ITGA1: variants seen among roughly 807,000 people sequenced by gnomAD.
ITGA1 encodes the protein integrin alpha-1.
In ITGA1, 85 loss-of-function variants were observed where a neutral mutation model predicts 145.9. The ratio of observed to expected loss-of-function variants is 0.58; its 90% CI spans 0.49 to 0.70. The LOEUF (loss-of-function observed/expected upper bound fraction) is 0.70, where lower values mean the gene tolerates loss of function less well. ITGA1 is among the 30% of genes least tolerant of loss of function. ITGA1 has a pLI of 0.00. For missense variants in ITGA1, 1,351 were observed against 1,418.7 expected, an observed-to-expected ratio of 0.95 and a Z score of 0.77; for synonymous variants, 520 against 495.3, an observed-to-expected ratio of 1.05 and a Z score of -0.66.
At chr5:52,914,216 G>A (rs926091182) in intron 14 of ITGA1, among the ~76,000 whole-genome samples, 1 of 152,174 alleles carries the variant, frequency 6.6e-6, no homozygotes, top group African/African-American at 2.4e-5. Context: ...TTTTTCCAAG[G>A]AATAGGTGAA....
intron 1 of ITGA1, among the ~76,000 whole-genome samples, chr5:52,809,502 CTTTTT>C (rs59067853): frequency 8.2e-6 from 1 of 122,436 alleles, no homozygotes; most frequent in Non-Finnish European, 1.7e-5. Flanking sequence ...CTCAACTTTA[CTTTTT>C]TTTTTTTTTT....
At chr5:52,946,538 C>G (rs1010102488) in intron 27 of ITGA1, among the ~76,000 whole-genome samples, 1 of 152,128 alleles carries the variant, frequency 6.6e-6, no homozygotes, top group Non-Finnish European at 1.5e-5. Context: ...AATCTTCCCT[C>G]TAGGTAAAGA....
Position 52,956,389 on chromosome 5 carries a change from A to G in ITGA1, c.*3938A>G, listed in dbSNP as rs1205217242. 1 of 152,130 alleles carries G rather than the reference A, an allele frequency of 6.6e-6. No homozygotes were observed. Among genetic ancestry groups the G allele is most frequent in the African/African-American group, 2.4e-5 (1 of 41,410 alleles). 9.4% of individuals were successfully genotyped at this position (152,130 alleles called of 1,614,324 possible). Reference sequence around the variant, plus strand: ...CAAAATAGCATCCTATGTACTTTTCATTTCTTCCAACAACCCTCAGGCCCC... The same window carrying G: ...CAAAATAGCATCCTATGTACTTTTCGTTTCTTCCAACAACCCTCAGGCCCC... On this transcript the variant is annotated 3_prime_UTR_variant, in exon 29 of 29. Coordinates refer to ENST00000282588, the MANE Select transcript of ITGA1 (RefSeq NM_181501.2).
intron 12 of ITGA1, 75 bp downstream of exon 12, chr5:52,905,983 A>T (rs1267612027): frequency 1.1e-5 from 15 of 1,364,304 alleles, no homozygotes; most frequent in African/African-American, 1.5e-5. Flanking sequence ...TATTGTCCTA[A>T]ACTTAAAAAT....
intron 7 of ITGA1, chr5:52,883,021 C>A (rs1021997163): frequency 2.0e-5 from 3 of 152,256 alleles, no homozygotes; most frequent in Non-Finnish European, 1.5e-5. Context: ...GCTTTTGCCT[C>A]ATGAATATTA....
intron 3 of ITGA1, among the ~76,000 whole-genome samples, 174 bp from the exon 4 acceptor site, chr5:52,864,589 C>T (rs1433606481): frequency 6.6e-6 from 1 of 152,194 alleles, no homozygotes; most frequent in Non-Finnish European, 1.5e-5. Context: ...GCCAACTCTT[C>T]AGCCTTAGCT....
At chr5:52,914,654 A>C (rs975941318) in intron 14 of ITGA1, among the ~76,000 whole-genome samples, 10 of 152,012 alleles carry the variant, frequency 6.6e-5, no homozygotes, top group Non-Finnish European at 1.5e-4. Flanking sequence ...TAAGGATGAA[A>C]AATGTTTCCA....
At chr5:52,809,782 C>T (rs11743864) in intron 1 of ITGA1, among the ~76,000 whole-genome samples, 5 of 151,830 alleles carry the variant, frequency 3.3e-5, no homozygotes, top group Non-Finnish European at 7.4e-5. Context: ...GGATTACAGG[C>T]GTGAGTCACT....
At position 52,954,327 on chromosome 5, in the gene ITGA1, T is replaced by C. The variant is rs921058407; in HGVS notation, c.*1876T>C. 6.6e-6 allele frequency: 1 copy of C among 152,186 alleles called. No individual in the cohort carries two copies. Among genetic ancestry groups the C allele is most frequent in the Non-Finnish European group, 1.5e-5 (1 of 68,052 alleles). 9.4% of individuals were successfully genotyped at this position (152,186 alleles called of 1,614,324 possible). On this transcript the variant is annotated 3_prime_UTR_variant, in exon 29 of 29. Coordinates refer to ENST00000282588, the MANE Select transcript of ITGA1 (RefSeq NM_181501.2). ...TTCTCTGATCTCAGCAAGATCTTAG[T>C]AGTAAAGCTAACGGATCCATTGAAA...
At chr5:52,886,217 C>A (rs1429943817) in intron 7 of ITGA1, among the ~76,000 whole-genome samples, 2 of 152,116 alleles carry the variant, frequency 1.3e-5, no homozygotes, top group Non-Finnish European at 2.9e-5. Context: ...CAGAGAGACT[C>A]AAAGAAAGTA....
chr5:52,900,758 A>G (rs1295974204), intron 11 of ITGA1, among the ~76,000 whole-genome samples: 1 of 152,092 alleles, frequency 6.6e-6, no homozygotes, highest in Non-Finnish European at 1.5e-5. Context: ...CAAAGCCTCA[A>G]TTTTCCTATT....
At chr5:52,874,480 T>C (rs1749834661) in intron 6 of ITGA1, among the ~76,000 whole-genome samples, 1 of 152,122 alleles carries the variant, frequency 6.6e-6, no homozygotes, top group African/African-American at 2.4e-5. Flanking sequence ...AACACTCTTA[T>C]CATTTAAGAT....
intron 1 of ITGA1, among the ~76,000 whole-genome samples, chr5:52,834,219 C>G (rs1749120246): frequency 6.6e-6 from 1 of 152,178 alleles, no homozygotes; most frequent in South Asian, 2.1e-4. Context: ...CAGTTGAAGC[C>G]TGTCTTAGTC....
In ITGA1 at chr5:52,836,549, A is replaced by G. The variant is rs866730721; in HGVS notation, c.62-12816A>G. Among the ~76,000 whole-genome samples the G allele has an allele frequency of 5.9e-5, 9 of 152,268 alleles. 2 individuals are homozygous for G. In the Middle Eastern group the frequency reaches 0.027, roughly 460 times the overall value. ...ATATGAATGCGAGATGACAGCTCCC[A>G]TAACAAATCACCCTTGGCCAGATTT... On this transcript the variant is annotated intron_variant, in intron 1 of 28. Transcript: ENST00000282588.
chr5:52,897,588 C>G, intron 10 of ITGA1, 60 bp downstream of exon 10: 2 of 1,270,314 alleles, frequency 1.6e-6, no homozygotes, highest in Non-Finnish European at 2.3e-6. Context: ...CTTCCCAAAA[C>G]CAACATCTAG....
chr5:52,840,696 T>C (rs1352856084), intron 1 of ITGA1, among the ~76,000 whole-genome samples: 2 of 152,160 alleles, frequency 1.3e-5, no homozygotes, highest in Non-Finnish European at 2.9e-5. Flanking sequence ...CAAACTTATG[T>C]AGAAAAATTT....
chr5:52,937,800 G>A (rs1422739845), intron 24 of ITGA1, among the ~76,000 whole-genome samples: 2 of 152,164 alleles, frequency 1.3e-5, no homozygotes, highest in Non-Finnish European at 2.9e-5. Flanking sequence ...CCCTCTGGAG[G>A]CTCCAAGAGA....
chr5:52,852,619 T>C (rs1247865883), intron 2 of ITGA1, among the ~76,000 whole-genome samples: 1 of 152,142 alleles, frequency 6.6e-6, no homozygotes, highest in Admixed American at 6.6e-5. Context: ...GGTAAGTCTA[T>C]TTTTAAATAG....
intron 1 of ITGA1, among the ~76,000 whole-genome samples, chr5:52,811,845 T>C (rs529337653): frequency 1.3e-5 from 2 of 152,314 alleles, no homozygotes; most frequent in African/African-American, 4.8e-5. Context: ...TAATTTTTAC[T>C]GGAATGCTCT....
Sources: allele counts gnomAD v4.1 joint callset (sites outside exome capture counted in the v4.1 genomes callset), GRCh38; gene constraint gnomAD v4.1.1; transcripts MANE v1.5; gene names NCBI Gene and HGNC (gene_info 2026-07-23, HGNC 2026-07-21).